Variants in APBA2 observed in about 807,000 individuals in gnomAD.
APBA2 encodes the protein amyloid beta precursor protein binding family A member 2.
APBA2 carries 30 observed loss-of-function variants against 75.0 expected under a neutral mutation model. The ratio of observed to expected loss-of-function variants is 0.40; its 90% CI spans 0.30 to 0.54. The LOEUF (loss-of-function observed/expected upper bound fraction) is 0.54. APBA2 is among the 20% of genes least tolerant of loss of function. APBA2 has a pLI of 0.49. For synonymous variants in APBA2, 444 were observed against 409.6 expected (o/e 1.08, Z -1.01); for missense variants, 801 against 1,016.1 (o/e 0.79, Z 2.88).
At chr15:28,921,922 C>G (rs2033991272) in intron 2 of APBA2, among the ~76,000 whole-genome samples, 173 bp downstream of exon 2, 1 of 152,230 alleles carries the variant, frequency 6.6e-6, no homozygotes, top group Non-Finnish European at 1.5e-5. Context: ...TCTGCTTTCA[C>G]AAACTTCACA....
chr15:28,942,777 C>G (rs1259720469), intron 2 of APBA2, among the ~76,000 whole-genome samples: 1 of 152,210 alleles, frequency 6.6e-6, no homozygotes, highest in African/African-American at 2.4e-5. Flanking sequence ...GGTGTGCAGG[C>G]CAGAAGGACA....
At chr15:28,934,803 G>A (rs1178569953) in intron 2 of APBA2, among the ~76,000 whole-genome samples, 1 of 152,232 alleles carries the variant, frequency 6.6e-6, no homozygotes, top group Admixed American at 6.5e-5. Flanking sequence ...CATGGGCTGA[G>A]CGGATTTCTG....
chr15:28,999,250 A>G (rs529085041), intron 3 of APBA2, among the ~76,000 whole-genome samples: 2 of 152,328 alleles, frequency 1.3e-5, no homozygotes, highest in Admixed American at 6.5e-5. Flanking sequence ...TACACACATC[A>G]TAAAAGAAAA....
intron 3 of APBA2, among the ~76,000 whole-genome samples, chr15:29,013,571 G>T (rs974766936): frequency 1.3e-5 from 2 of 152,032 alleles, no homozygotes; most frequent in African/African-American, 4.8e-5. Context: ...GTGAGCCACC[G>T]CCCCCGGCCG....
rs1417307709 is a variant in APBA2, at chr15:28,918,290, C to G, written c.-204-3350C>G. Among the ~76,000 whole-genome samples, 1 of 152,182 alleles carries G rather than the reference C, an allele frequency of 6.6e-6. No individual in the cohort carries two copies. The highest frequency in any genetic ancestry group is 2.4e-5 in the African/African-American group (1 of 41,464). ...AACCCAGGCCACTGCCCTCGGCAGC[C>G]AAGCCCCTTCTTTATTTTGGAATGG... On this transcript the variant is annotated intron_variant, in intron 1 of 14. Transcript: ENST00000683413. This position sits in a 1 kb window ranked among gnomAD's most constrained non-coding sequence, Gnocchi z 4.2.
At chr15:29,023,623 T>G (rs948310602) in intron 3 of APBA2, among the ~76,000 whole-genome samples, 1 of 151,588 alleles carries the variant, frequency 6.6e-6, no homozygotes, top group Non-Finnish European at 1.5e-5. Flanking sequence ...GCTTGACTAA[T>G]TTTTGTATTT....
At chr15:29,056,199 T>C (rs1319838016) in intron 4 of APBA2, among the ~76,000 whole-genome samples, 1 of 152,176 alleles carries the variant, frequency 6.6e-6, no homozygotes, top group East Asian at 1.9e-4. Context: ...ATTTTCTGGT[T>C]TTGTGCTTCA....
chr15:29,015,001 G>A (rs1385994226), intron 3 of APBA2, among the ~76,000 whole-genome samples: 1 of 151,260 alleles, frequency 6.6e-6, no homozygotes, highest in Non-Finnish European at 1.5e-5. Flanking sequence ...CAGTGTAGGT[G>A]TTGGATGTGG....
intron 2 of APBA2, among the ~76,000 whole-genome samples, chr15:28,984,192 G>A (rs549320520): frequency 1.6e-4 from 24 of 152,212 alleles, no homozygotes; most frequent in Middle Eastern, 6.8e-3. Context: ...GCAAGCTCTC[G>A]AGGCGTTATT....
At chr15:28,944,199 T>C (rs954289714) in intron 2 of APBA2, among the ~76,000 whole-genome samples, 2 of 152,120 alleles carry the variant, frequency 1.3e-5, no homozygotes, top group East Asian at 1.9e-4. Context: ...ATAAGAGACA[T>C]TGGAAAAGAA....
At chr15:29,113,782 C>A in intron 13 of APBA2, 94 bp from the exon 14 acceptor site, 4 of 1,542,474 alleles carry the variant, frequency 2.6e-6, no homozygotes, top group Admixed American at 3.4e-5. Context: ...TCATGTGGCG[C>A]TTTTCCCTCT....
chr15:28,942,725 C>T (rs911787993), intron 2 of APBA2, among the ~76,000 whole-genome samples: 3 of 152,190 alleles, frequency 2.0e-5, no homozygotes, highest in African/African-American at 7.2e-5. Context: ...TGGGAGGTAT[C>T]CTTACCCCAG....
chr15:29,035,608 G>T (rs1435065681), intron 3 of APBA2, among the ~76,000 whole-genome samples: 1 of 152,174 alleles, frequency 6.6e-6, no homozygotes, highest in African/African-American at 2.4e-5. Flanking sequence ...ATCATCATGG[G>T]ATTTTTATTA....
At chr15:28,890,135 C>T (rs901863278) in intron 1 of APBA2, among the ~76,000 whole-genome samples, 1 of 152,204 alleles carries the variant, frequency 6.6e-6, no homozygotes, top group African/African-American at 2.4e-5. Flanking sequence ...GCTGTGTTCA[C>T]ATTTGGATCC....
At chr15:29,051,042 G>A (rs890381076) in intron 3 of APBA2, among the ~76,000 whole-genome samples, 10 of 152,176 alleles carry the variant, frequency 6.6e-5, no homozygotes, top group African/African-American at 1.9e-4. Flanking sequence ...CTGAGAGACC[G>A]TTTTGAGGAA....
intron 1 of APBA2, among the ~76,000 whole-genome samples, chr15:28,893,233 A>T (rs1300913964): frequency 6.6e-6 from 1 of 152,156 alleles, no homozygotes; most frequent in African/African-American, 2.4e-5. Flanking sequence ...CCAGCCACTG[A>T]GTTACTATGG....
At chr15:28,893,369 C>T (rs1220446886) in intron 1 of APBA2, among the ~76,000 whole-genome samples, 5 of 152,224 alleles carry the variant, frequency 3.3e-5, no homozygotes, top group Admixed American at 2.0e-4. Flanking sequence ...CCTGGCACTA[C>T]CTCCAGCCTC....
Position 29,029,012 on chromosome 15 carries a change from T to C in APBA2, c.-40-24833T>C, listed in dbSNP as rs182698081. On this transcript the variant is annotated intron_variant, in intron 3 of 14. Coordinates refer to ENST00000683413, the MANE Select transcript of APBA2 (RefSeq NM_001353788.2). ...GCTGTGCAGAAGCTCTTTAGTTTAA[T>C]TAGTTCCCATTTGTCAATTTTTGCT... is the stretch of plus-strand genomic sequence containing the variant. 1.1e-3 allele frequency among the ~76,000 whole-genome samples: 166 copies of C among 152,350 alleles called. 1 individual carries two copies. Among genetic ancestry groups the C allele is most frequent in the African/African-American group, 3.8e-3 (159 of 41,578 alleles).
intron 14 of APBA2, among the ~76,000 whole-genome samples, chr15:29,114,785 G>A (rs2044972917): frequency 1.3e-5 from 1 of 76,248 alleles, no homozygotes; most frequent in East Asian, 3.2e-4. Flanking sequence ...TGTGCGTGTG[G>A]AGGAGTGTGT....
Sources: gnomAD v4.1 joint callset for allele counts (sites outside exome capture counted in the v4.1 genomes callset) on GRCh38, gnomAD v4.1.1 for gene constraint, Gnocchi (gnomAD v3.1) non-coding constraint, MANE v1.5 for transcripts, NCBI Gene and HGNC (gene_info 2026-07-23, HGNC 2026-07-21) for gene names.